ZFP14: variants seen among roughly 807,000 people sequenced by gnomAD.
ZFP14 encodes the protein ZFP14 zinc finger protein.
ZFP14 carries 22 observed loss-of-function variants against 54.5 expected under a neutral mutation model. That is an observed-to-expected ratio of 0.40 (90% CI 0.29 to 0.58). The LOEUF is 0.58. Ranked by LOEUF, ZFP14 falls within the 20% of genes least tolerant of loss-of-function variation. The probability of loss-of-function intolerance (pLI) is 0.39; values close to 1 mark genes in which losing one functional copy is unlikely to be tolerated. For synonymous variants in ZFP14, 159 were observed against 204.0 expected (o/e 0.78, Z 1.88); for missense variants, 470 against 637.8 (o/e 0.74, Z 2.83).
chr19:36,367,361 T>C (rs73606484), intron 2 of ZFP14, among the ~76,000 whole-genome samples: 1,645 of 152,288 alleles, frequency 0.011, 29 homozygotes, highest in African/African-American at 0.037. Context: ...TTCCGCTTTC[T>C]CACAGCTATT....
Position 36,357,246 on chromosome 19 carries a change from T to C in ZFP14, c.235+3189A>G, listed in dbSNP as rs148598061. 2.0e-4 allele frequency among the ~76,000 whole-genome samples: 31 copies of C among 152,352 alleles called. 1 individual carries two copies. The highest frequency in any genetic ancestry group is 7.5e-4 in the African/African-American group (31 of 41,594). On this transcript the variant is annotated intron_variant, in intron 4 of 4. Coordinates refer to ENST00000270001, the MANE Select transcript of ZFP14 (RefSeq NM_020917.3). ...TCAGTAGAGATCAGGTTTCGCCATGTTGGCCAGGCTGGTCTCAAACTCCCA... is the reference window on the plus strand; with the variant it reads ...TCAGTAGAGATCAGGTTTCGCCATGCTGGCCAGGCTGGTCTCAAACTCCCA...
intron 4 of ZFP14, among the ~76,000 whole-genome samples, chr19:36,359,045 T>C (rs773077687): frequency 3.9e-5 from 6 of 152,184 alleles, no homozygotes; most frequent in Non-Finnish European, 7.3e-5. Flanking sequence ...AGGCCCTCAA[T>C]AGACACAGCC....
intron 4 of ZFP14, among the ~76,000 whole-genome samples, chr19:36,343,682 T>C (rs1328089441): frequency 6.6e-6 from 1 of 152,206 alleles, no homozygotes; most frequent in East Asian, 1.9e-4. Flanking sequence ...AGTTTATTTC[T>C]TAACAATTAT....
rs1262391609 is a variant in ZFP14, at chr19:36,353,542, T to C, written c.235+6893A>G. ...ACTGAAACCCCATGTCTACTAAAAA[T>C]ACAAAAATTAGCTGAGCGTGGTAGC... On this transcript the variant is annotated intron_variant, in intron 4 of 4. Transcript: ENST00000270001. 4.3e-5 allele frequency among the ~76,000 whole-genome samples: 6 copies of C among 138,938 alleles called. 1 individual carries two copies. Among genetic ancestry groups the C allele is most frequent in the Admixed American group, 1.5e-4 (2 of 13,402 alleles). The allele number at this position is 138,938 out of a possible 152,430, so 91.1% of individuals were successfully genotyped here.
Position 36,336,069 on chromosome 19 carries a change from T to G in ZFP14, c.*4155A>C, listed in dbSNP as rs574629760. On this transcript the variant is annotated 3_prime_UTR_variant, in exon 5 of 5. Coordinates refer to ENST00000270001, the MANE Select transcript of ZFP14 (RefSeq NM_020917.3). ...CTTATAATTTTAAAAATCTGCTTGA[T>G]ATAATCTAGAGTTGTGTCTCTTTTA... The G allele has an allele frequency of 9.2e-5, 14 of 152,070 alleles. No homozygotes were observed. In the East Asian group the frequency reaches 2.7e-3, roughly 30 times the overall value. 9.4% of individuals were successfully genotyped at this position (152,070 alleles called of 1,614,324 possible). A position where few individuals can be genotyped will look rare whatever the true frequency, so the allele number is the denominator to read the frequency against.
At chr19:36,374,137 A>AAACTCTGAATCAGAAGCTCCACTTCT (rs2031923028) in intron 1 of ZFP14, among the ~76,000 whole-genome samples, 4 of 152,196 alleles carry the variant, frequency 2.6e-5, no homozygotes, top group Admixed American at 2.0e-4. Context: ...TCAATCCTGT[A>AAACTCTGAATCAGAAGCTCCACTTCT]AACTCTGAAT....
At position 36,340,190 on chromosome 19, in the gene ZFP14, T is replaced by G. The variant is rs562613394; in HGVS notation, c.*34A>C. The stretch of plus-strand genomic sequence containing the variant: ...CTCAAAAATGAATTTTCTGATGTTC[T>G]GTAACATCATATACATTTGAAGGCT... On this transcript the variant is annotated 3_prime_UTR_variant, in exon 5 of 5. Transcript: ENST00000270001. The surrounding 1 kb of genome is among the most constrained non-coding windows in gnomAD (Gnocchi z 5.4). The G allele has an allele frequency of 2.7e-6, 4 of 1,499,640 alleles. No individual in the cohort carries two copies. The highest frequency in any genetic ancestry group is 2.7e-6 in the Non-Finnish European group (3 of 1,123,646). 92.9% of individuals were successfully genotyped at this position (1,499,640 alleles called of 1,614,324 possible).
At chr19:36,363,976 TAA>T (rs1167834000) in intron 2 of ZFP14, among the ~76,000 whole-genome samples, 2 of 148,386 alleles carry the variant, frequency 1.3e-5, no homozygotes. Flanking sequence ...GGCGACAGAG[TAA>T]GACTCGGTCT....
chr19:36,341,609 G>T lies in ZFP14; in HGVS notation c.236-19C>A. The T allele has an allele frequency of 6.5e-7, 1 of 1,533,266 alleles. No individual in the cohort carries two copies. The highest frequency in any genetic ancestry group is 2.3e-5 in the East Asian group (1 of 44,132). 95.0% of individuals were successfully genotyped at this position (1,533,266 alleles called of 1,614,324 possible). On this transcript the variant is annotated intron_variant, in intron 4 of 4. Transcript: ENST00000270001. This position sits in a 1 kb window ranked among gnomAD's most constrained non-coding sequence, Gnocchi z 4.2. ...TCCAAATCTGAAAGAAAACAAGAAA[G>T]CAAATACATACTGTTTTCCTGTTCC...
rs568607214 is a variant in ZFP14, at chr19:36,351,980, G to A, written c.235+8455C>T. 3.7e-4 allele frequency among the ~76,000 whole-genome samples: 53 copies of A among 142,960 alleles called. 11 individuals are homozygous for A. Among genetic ancestry groups the A allele is most frequent in the African/African-American group, 1.0e-3 (40 of 39,088 alleles). The allele number at this position is 142,960 out of a possible 152,430, so 93.8% of individuals were successfully genotyped here. A position where few individuals can be genotyped will look rare whatever the true frequency, so the allele number is the denominator to read the frequency against. The stretch of plus-strand genomic sequence containing the variant: ...GGGTGGATCACAAGGTCAGGATATC[G>A]AGACCATCCTGGCTAACATGGTGAA... On this transcript the variant is annotated intron_variant, in intron 4 of 4. Transcript: ENST00000270001.
At chr19:36,368,013 G>T in intron 1 of ZFP14, 42 bp from the exon 2 acceptor site, 2 of 1,177,554 alleles carry the variant, frequency 1.7e-6, no homozygotes, top group South Asian at 3.5e-5. Flanking sequence ...CTGCGCCACA[G>T]AGCTCCCAAA....
intron 4 of ZFP14, among the ~76,000 whole-genome samples, chr19:36,350,112 C>A (rs1255202026): frequency 7.3e-6 from 1 of 137,532 alleles, no homozygotes; most frequent in East Asian, 2.1e-4. Context: ...CAGAGCCACA[C>A]TCTGTCTCAA....
At chr19:36,358,986 T>A (rs915465823) in intron 4 of ZFP14, among the ~76,000 whole-genome samples, 1 of 152,158 alleles carries the variant, frequency 6.6e-6, no homozygotes, top group Admixed American at 6.5e-5. Flanking sequence ...CACTTGCCAT[T>A]TGATGCCCTG....
chr19:36,340,790 C>T lies in ZFP14; in HGVS notation c.1036G>A (p.Gly346Arg). The change falls in exon 5 of 5, where the codon GGA becomes AGA. Residue 346 changes from glycine (G) to arginine (R), a missense_variant. Physicochemically the swap from Gly to Arg is moderately radical, Grantham distance 125 (BLOSUM62 -2). Transcript: ENST00000270001. This position sits in a 1 kb window ranked among gnomAD's most constrained non-coding sequence, Gnocchi z 5.4. The stretch of plus-strand genomic sequence containing the variant: ...TGTTGGCATATTCTAAAAGCCTTTC[C>T]ACACTCCTTACATTCATAGGGTTTC... ...GEKPYECKECGKAFRICQQLT... is the reference protein window; with the variant it reads ...GEKPYECKECRKAFRICQQLT... 1.2e-6 allele frequency: 2 copies of T among 1,613,932 alleles called. No individual in the cohort carries two copies. The highest frequency in any genetic ancestry group is 1.7e-6 in the Non-Finnish European group (2 of 1,179,986).
At chr19:36,358,783 A>G (rs2031663004) in intron 4 of ZFP14, among the ~76,000 whole-genome samples, 2 of 152,188 alleles carry the variant, frequency 1.3e-5, no homozygotes, top group Non-Finnish European at 1.5e-5. Flanking sequence ...CATGTTGAAA[A>G]TTAATTCCTA....
At chr19:36,368,659 A>T (rs2031833024) in intron 1 of ZFP14, among the ~76,000 whole-genome samples, 1 of 152,116 alleles carries the variant, frequency 6.6e-6, no homozygotes, top group Non-Finnish European at 1.5e-5. Context: ...AAGGGCCCTG[A>T]ATCCTGCCCC....
In ZFP14 at chr19:36,341,015, G is replaced by A. The variant is rs183556226; in HGVS notation, c.811C>T (p.Leu271=). The change falls in exon 5 of 5, where the codon CTG becomes TTG. Residue 271 remains leucine, a synonymous_variant. Coordinates refer to ENST00000270001, the MANE Select transcript of ZFP14 (RefSeq NM_020917.3). This position sits in a 1 kb window ranked among gnomAD's most constrained non-coding sequence, Gnocchi z 4.2. The part of the protein sequence containing the change: ...CGKAFRVHQQ[L]ARHQRIHTGE... ...GTGTGAATTCTCTGATGTCGAGCCA[G>A]TTGCTGATGTACTCTAAAGGCCTTT... is the stretch of plus-strand genomic sequence containing the variant. The A allele has an allele frequency of 1.2e-6, 2 of 1,614,162 alleles. No individual in the cohort carries two copies. Among genetic ancestry groups the A allele is most frequent in the Non-Finnish European group, 1.7e-6 (2 of 1,180,028 alleles).
rs770239720 is a variant in ZFP14, at chr19:36,340,606, C to T, written c.1220G>A (p.Ser407Asn). ...CTGGTGTGAAATAAGCTGTGAGTAA[C>T]TACTAAAGGTCTTCCAACATTCCAT... The part of the protein sequence containing the change: ...ECMECWKTFS[S>N]YSQLISHQSI... The change falls in exon 5 of 5, where the codon AGT (serine) becomes AAT (asparagine). Residue 407 changes from serine to asparagine, a missense_variant. Ser to Asn is a conservative substitution (Grantham distance 46). Transcript: ENST00000270001. The surrounding 1 kb of genome is among the most constrained non-coding windows in gnomAD (Gnocchi z 5.4). 2 of 1,613,986 alleles carry T rather than the reference C, an allele frequency of 1.2e-6. No individual in the cohort carries two copies. Among genetic ancestry groups the T allele is most frequent in the African/African-American group, 2.7e-5 (2 of 75,024 alleles).
Position 36,340,145 on chromosome 19 carries a change from T to C in ZFP14, c.*79A>G. On this transcript the variant is annotated 3_prime_UTR_variant, in exon 5 of 5. Transcript: ENST00000270001. This position sits in a 1 kb window ranked among gnomAD's most constrained non-coding sequence, Gnocchi z 5.4. ...AATATAAAATTTATTATGCTTGGAA[T>C]TGAGCATGAAACACATTTTCTCAAA... The C allele has an allele frequency of 7.3e-7, 1 of 1,370,218 alleles. No individual in the cohort carries two copies. The highest frequency in any genetic ancestry group is 9.7e-7 in the Non-Finnish European group (1 of 1,029,198). 84.9% of individuals were successfully genotyped at this position (1,370,218 alleles called of 1,614,324 possible). A position where few individuals can be genotyped will look rare whatever the true frequency, so the allele number is the denominator to read the frequency against.
Sources: gnomAD v4.1 joint callset for allele counts (sites outside exome capture counted in the v4.1 genomes callset) on GRCh38, gnomAD v4.1.1 for gene constraint, Gnocchi (gnomAD v3.1) non-coding constraint, MANE v1.5 for transcripts, NCBI Gene and HGNC (gene_info 2026-07-23, HGNC 2026-07-21) for gene names.